EPHA6: variants seen among roughly 807,000 people sequenced by gnomAD.
EPHA6 encodes the protein EPH receptor A6, also known as ephrin type-A receptor 6.
Under a neutral mutation model 112.0 loss-of-function variants are expected in EPHA6, and 50 were observed. The ratio of observed to expected loss-of-function variants is 0.45; its 90% CI spans 0.36 to 0.56. The LOEUF (loss-of-function observed/expected upper bound fraction) is 0.56, where lower values mean the gene tolerates loss of function less well. Among genes scored for constraint, EPHA6 ranks in the 20% least tolerant of loss-of-function variants. EPHA6 has a pLI of 0.00. For synonymous variants in EPHA6, 529 were observed against 490.7 expected, an observed-to-expected ratio of 1.08 and a Z score of -1.03; for missense variants, 1,280 against 1,417.4, an observed-to-expected ratio of 0.90 and a Z score of 1.56.
chr3:97,524,816 G>C (rs886664274), intron 10 of EPHA6, among the ~76,000 whole-genome samples: 2 of 152,050 alleles, frequency 1.3e-5, no homozygotes, highest in African/African-American at 4.8e-5. Context: ...GGCTTGCAAG[G>C]TTTCTGTTGA....
intron 5 of EPHA6, among the ~76,000 whole-genome samples, chr3:97,286,258 A>G (rs989643924): frequency 6.6e-6 from 1 of 151,962 alleles, no homozygotes; most frequent in Non-Finnish European, 1.5e-5. Context: ...CTATTACTCC[A>G]TTTTTTCTTT....
Position 97,752,528 on chromosome 3 carries a change from A to G in EPHA6, c.*3827A>G, listed in dbSNP as rs1244952722. On this transcript the variant is annotated 3_prime_UTR_variant, in exon 18 of 18. Transcript: ENST00000389672. ...TTTCTCAGCTTCTATCACGCCACAC[A>G]TTATCTCAATCAGCATAAAAAAGGT... is the stretch of plus-strand genomic sequence containing the variant. 1 of 219,126 alleles carries G rather than the reference A, an allele frequency of 4.6e-6. No homozygotes were observed. The highest frequency in any genetic ancestry group is 9.2e-6 in the Non-Finnish European group (1 of 109,106). 13.6% of individuals were successfully genotyped at this position (219,126 alleles called of 1,614,324 possible). A position where few individuals can be genotyped will look rare whatever the true frequency, so the allele number is the denominator to read the frequency against.
At chr3:97,146,078 C>A (rs915270021) in intron 3 of EPHA6, among the ~76,000 whole-genome samples, 2 of 151,660 alleles carry the variant, frequency 1.3e-5, no homozygotes, top group Non-Finnish European at 3.0e-5. Context: ...TTAAATTATA[C>A]AATATTGCCA....
intron 3 of EPHA6, among the ~76,000 whole-genome samples, chr3:97,005,554 G>A (rs189882192): frequency 6.0e-4 from 92 of 152,134 alleles, no homozygotes; most frequent in Middle Eastern, 3.4e-3. Flanking sequence ...AAATCATGTC[G>A]TCTACAAACA....
intron 10 of EPHA6, among the ~76,000 whole-genome samples, chr3:97,500,113 A>G (rs1026703791): frequency 4.6e-5 from 7 of 151,980 alleles, no homozygotes; most frequent in Non-Finnish European, 1.0e-4. Flanking sequence ...TTGTTTTGTT[A>G]CAAACTAAAA....
intron 12 of EPHA6, among the ~76,000 whole-genome samples, chr3:97,594,666 A>G (rs531360063): frequency 6.6e-6 from 1 of 152,276 alleles, no homozygotes; most frequent in South Asian, 2.1e-4. Context: ...TATTTTGTGT[A>G]AAGAGGAATG....
chr3:97,504,664 A>C (rs1019845968), intron 10 of EPHA6, among the ~76,000 whole-genome samples: 5 of 152,126 alleles, frequency 3.3e-5, no homozygotes, highest in Non-Finnish European at 5.9e-5. Context: ...GATTCAACTG[A>C]GGACCCACCT....
chr3:97,536,901 A>G (rs955502267), intron 11 of EPHA6, among the ~76,000 whole-genome samples: 9 of 152,168 alleles, frequency 5.9e-5, no homozygotes, highest in Non-Finnish European at 1.0e-4. Context: ...ACTAGAAAAC[A>G]TTAAAGGTCA....
intron 2 of EPHA6, among the ~76,000 whole-genome samples, chr3:96,873,742 A>G (rs2036776742): frequency 6.6e-6 from 1 of 152,134 alleles, no homozygotes; most frequent in African/African-American, 2.4e-5. Flanking sequence ...TGAGCAGTAG[A>G]TGATGAAACT....
chr3:97,754,224 G>C lies in EPHA6; in HGVS notation c.*5523G>C, dbSNP rs1264027821. On this transcript the variant is annotated 3_prime_UTR_variant, in exon 18 of 18. Transcript: ENST00000389672. The stretch of plus-strand genomic sequence containing the variant: ...CTGCCTCAGCCTCCCGAGTAGCTAG[G>C]ATTACAGGCATGCGCCACCACGCCC... Among the ~76,000 whole-genome samples, 1 of 151,612 alleles carries C rather than the reference G, an allele frequency of 6.6e-6. No individual in the cohort carries two copies. The highest frequency in any genetic ancestry group is 1.5e-5 in the Non-Finnish European group (1 of 67,926).
intron 2 of EPHA6, among the ~76,000 whole-genome samples, chr3:96,947,757 A>C (rs925071098): frequency 6.6e-6 from 1 of 152,220 alleles, no homozygotes; most frequent in Non-Finnish European, 1.5e-5. Context: ...GAGGATACAA[A>C]CAAATGGAAG....
intron 6 of EPHA6, among the ~76,000 whole-genome samples, chr3:97,432,227 A>G (rs564689195): frequency 6.6e-5 from 10 of 152,270 alleles, no homozygotes; most frequent in African/African-American, 1.4e-4. Flanking sequence ...TTACTAAACA[A>G]CAAATGCAAT....
intron 11 of EPHA6, among the ~76,000 whole-genome samples, chr3:97,539,084 C>T: frequency 7.4e-6 from 1 of 135,074 alleles, no homozygotes; most frequent in African/African-American, 2.9e-5. Flanking sequence ...TCCTTCCTTC[C>T]TTCCTTCCTT....
intron 5 of EPHA6, among the ~76,000 whole-genome samples, chr3:97,332,875 G>A (rs2082867484): frequency 6.6e-6 from 1 of 152,022 alleles, no homozygotes; most frequent in Non-Finnish European, 1.5e-5. Flanking sequence ...TACAAAGTAA[G>A]GCTTAATATC....
chr3:97,550,551 G>A (rs2093015639), intron 11 of EPHA6, among the ~76,000 whole-genome samples: 1 of 152,150 alleles, frequency 6.6e-6, no homozygotes, highest in African/African-American at 2.4e-5. Context: ...CTTTGTTCAG[G>A]CTATTGCAGC....
intron 6 of EPHA6, among the ~76,000 whole-genome samples, chr3:97,440,800 T>G (rs960292418): frequency 2.0e-5 from 3 of 151,686 alleles, no homozygotes; most frequent in Non-Finnish European, 4.4e-5. Context: ...AGCCAGTGTT[T>G]TTAAAAGATT....
At position 96,816,919 on chromosome 3, in the gene EPHA6, G is replaced by A. The variant is rs139647352; in HGVS notation, c.385+1911G>A. On this transcript the variant is annotated intron_variant, in intron 1 of 17. Coordinates refer to ENST00000389672, the MANE Select transcript of EPHA6 (RefSeq NM_001080448.3). ...TGACTTTCTCATAGTATTTACAGAT[G>A]TTTGACCTAGAATATATGCCAAACA... Among the ~76,000 whole-genome samples the A allele has an allele frequency of 4.0e-5, 6 of 151,484 alleles. No homozygotes were observed. The East Asian group carries it at 1.2e-3, about 29-fold the overall frequency.
At chr3:96,827,884 A>G (rs1199091063) in intron 1 of EPHA6, among the ~76,000 whole-genome samples, 1 of 152,148 alleles carries the variant, frequency 6.6e-6, no homozygotes. Context: ...GAGAATTGAC[A>G]GAAGAATAAG....
chr3:97,202,529 T>A (rs2077602762), intron 3 of EPHA6, among the ~76,000 whole-genome samples: 1 of 152,068 alleles, frequency 6.6e-6, no homozygotes, highest in Non-Finnish European at 1.5e-5. Flanking sequence ...AGACAGGGTT[T>A]TGCCATGCTG....
Sources: allele counts gnomAD v4.1 joint callset (sites outside exome capture counted in the v4.1 genomes callset), GRCh38; gene constraint gnomAD v4.1.1; transcripts MANE v1.5; gene names NCBI Gene and HGNC (gene_info 2026-07-23, HGNC 2026-07-21).